SIDT1: variants seen among roughly 807,000 people sequenced by gnomAD.
SIDT1 encodes SID1 transmembrane family, member 1.
A neutral mutation model predicts 107.5 loss-of-function variants in SIDT1; 101 were observed. The observed-to-expected ratio is 0.94, with a 90% CI of 0.80 to 1.11. The LOEUF is 1.11. Ranked by LOEUF, SIDT1 falls within the 50% of genes least tolerant of loss-of-function variation. The pLI is 0.00. For synonymous variants in SIDT1, 395 were observed against 398.2 expected, an observed-to-expected ratio of 0.99 and a Z score of 0.10; for missense variants, 1,076 against 1,058.2, an observed-to-expected ratio of 1.02 and a Z score of -0.23.
At chr3:113,567,028 T>C (rs961662853) in intron 2 of SIDT1, among the ~76,000 whole-genome samples, 1 of 152,186 alleles carries the variant, frequency 6.6e-6, no homozygotes, top group Non-Finnish European at 1.5e-5. Flanking sequence ...GGGAGAAGTG[T>C]ATAAGATACT....
chr3:113,593,452 A>G (rs1944325057), intron 10 of SIDT1, among the ~76,000 whole-genome samples: 1 of 152,174 alleles, frequency 6.6e-6, no homozygotes, highest in African/African-American at 2.4e-5. Context: ...ATCTAATGCC[A>G]TAACCCATCC....
intron 17 of SIDT1, among the ~76,000 whole-genome samples, chr3:113,608,947 G>A (rs545522952): frequency 9.9e-5 from 15 of 152,244 alleles, no homozygotes; most frequent in Admixed American, 5.2e-4. Context: ...CAGAGGAGGC[G>A]GCAAGCTGGG....
Position 113,551,824 on chromosome 3 carries a change from G to GGTGT in SIDT1, c.223-14569_223-14566dup, listed in dbSNP as rs56860179. Among the ~76,000 whole-genome samples, 956 of 147,310 alleles carry GGTGT rather than the reference G, an allele frequency of 6.5e-3. 12 individuals are homozygous for GGTGT. Among genetic ancestry groups the GGTGT allele is most frequent in the African/African-American group, 0.021 (853 of 40,146 alleles). ...TGGATCCCGGGGGTAAAGTTTTAGG[G>GGTGT]GTGTGTGTGTGTGTGTGTGTGTGTG... is the stretch of plus-strand genomic sequence containing the variant. On this transcript the variant is annotated intron_variant, in intron 1 of 24. Coordinates refer to ENST00000264852, the MANE Select transcript of SIDT1 (RefSeq NM_017699.3).
At chr3:113,580,806 T>G (rs1400508056) in intron 5 of SIDT1, 97 bp downstream of exon 5, 1 of 780,740 alleles carries the variant, frequency 1.3e-6, no homozygotes, top group Non-Finnish European at 2.2e-6. Context: ...CCTCTTACTG[T>G]GTATCTCCCT....
chr3:113,567,787 G>C, intron 3 of SIDT1, 77 bp downstream of exon 3: 1 of 1,424,068 alleles, frequency 7.0e-7, no homozygotes, highest in Non-Finnish European at 9.7e-7. Flanking sequence ...CATCCTTACA[G>C]ACTGGTACTC....
intron 17 of SIDT1, among the ~76,000 whole-genome samples, chr3:113,609,413 C>T (rs534979639): frequency 1.3e-5 from 2 of 152,226 alleles, no homozygotes; most frequent in African/African-American, 4.8e-5. Flanking sequence ...TTAGCTCAGA[C>T]CCAGGTTGCT....
In SIDT1 at chr3:113,534,522, C is replaced by T. The variant is rs563766001; in HGVS notation, c.222+1279C>T. On this transcript the variant is annotated intron_variant, in intron 1 of 24. Transcript: ENST00000264852. ...GTGAGCAGAGTGGCTGTATGCAGAGCCATTTCATGGTAGACAAGGGAGAGG... is the reference window on the plus strand; with the variant it reads ...GTGAGCAGAGTGGCTGTATGCAGAGTCATTTCATGGTAGACAAGGGAGAGG... Among the ~76,000 whole-genome samples the T allele has an allele frequency of 9.2e-5, 14 of 152,320 alleles. No homozygotes were observed. In the South Asian group the frequency reaches 2.7e-3, roughly 29 times the overall value.
At chr3:113,606,197 A>G (rs1165330352) in intron 14 of SIDT1, among the ~76,000 whole-genome samples, 1 of 152,156 alleles carries the variant, frequency 6.6e-6, no homozygotes, top group African/African-American at 2.4e-5. Context: ...AGAATTTATT[A>G]CACAGTAGAA....
chr3:113,613,296 G>A (rs1033044513), intron 19 of SIDT1, among the ~76,000 whole-genome samples: 6 of 152,334 alleles, frequency 3.9e-5, no homozygotes, highest in South Asian at 4.1e-4. Context: ...CTTAGAGCAG[G>A]CTCGGAGCCT....
intron 21 of SIDT1, among the ~76,000 whole-genome samples, chr3:113,620,740 T>C (rs1946410883): frequency 6.6e-6 from 1 of 152,204 alleles, no homozygotes; most frequent in Non-Finnish European, 1.5e-5. Context: ...GGCAGTGGTC[T>C]CTTCTTGACC....
At chr3:113,595,179 C>A (rs1381617799) in intron 10 of SIDT1, among the ~76,000 whole-genome samples, 1 of 152,144 alleles carries the variant, frequency 6.6e-6, no homozygotes, top group African/African-American at 2.4e-5. Flanking sequence ...CCAGATAATT[C>A]TTTGTTGTTG....
Position 113,576,907 on chromosome 3 carries a change from A to G in SIDT1, c.516-15A>G. 6.2e-7 allele frequency: 1 copy of G among 1,613,906 alleles called. No individual in the cohort carries two copies. Among genetic ancestry groups the G allele is most frequent in the Non-Finnish European group, 8.5e-7 (1 of 1,179,768 alleles). ...TCACTTTTCCCCTTTCCCTTCTGCC[A>G]CTTACGTTTCTCAGGACAAATGTTG... On this transcript the variant is annotated splice_polypyrimidine_tract_variant and intron_variant, in intron 3 of 24. Coordinates refer to ENST00000264852, the MANE Select transcript of SIDT1 (RefSeq NM_017699.3).
At chr3:113,581,320 A>T in intron 5 of SIDT1, 41 bp from the exon 6 acceptor site, 2 of 1,503,622 alleles carry the variant, frequency 1.3e-6, no homozygotes, top group Non-Finnish European at 1.9e-6. Context: ...ATTGCATGAC[A>T]TTATGGATGC....
At chr3:113,604,390 G>A (rs1945174908) in intron 13 of SIDT1, among the ~76,000 whole-genome samples, 1 of 152,208 alleles carries the variant, frequency 6.6e-6, no homozygotes, top group Admixed American at 6.5e-5. Flanking sequence ...AAATTTCATA[G>A]TGGGACCATC....
chr3:113,544,008 C>A (rs78839274), intron 1 of SIDT1, among the ~76,000 whole-genome samples: 3 of 152,106 alleles, frequency 2.0e-5, no homozygotes, highest in African/African-American at 7.2e-5. Flanking sequence ...CCTGTATAAA[C>A]TGCTACTATT....
intron 1 of SIDT1, among the ~76,000 whole-genome samples, chr3:113,542,366 T>C (rs913922154): frequency 3.9e-5 from 6 of 151,932 alleles, no homozygotes; most frequent in Admixed American, 2.6e-4. Flanking sequence ...ATTCTCTTTT[T>C]ACTTATGTTG....
chr3:113,545,178 A>C (rs1939451241), intron 1 of SIDT1, among the ~76,000 whole-genome samples: 1 of 151,472 alleles, frequency 6.6e-6, no homozygotes, highest in Non-Finnish European at 1.5e-5. Context: ...TACTACGTAA[A>C]TATCCTGTGC....
chr3:113,552,567 A>G (rs1160900369), intron 1 of SIDT1, among the ~76,000 whole-genome samples: 23 of 152,206 alleles, frequency 1.5e-4, no homozygotes, highest in Non-Finnish European at 1.0e-4. Context: ...ACATTTCGGG[A>G]CCAAGGGAGA....
At chr3:113,559,943 A>G (rs922464001) in intron 1 of SIDT1, among the ~76,000 whole-genome samples, 8 of 152,194 alleles carry the variant, frequency 5.3e-5, no homozygotes, top group Admixed American at 2.0e-4. Flanking sequence ...AGAATAATAG[A>G]TGATCCAGAG....
Sources: allele counts gnomAD v4.1 joint callset (sites outside exome capture counted in the v4.1 genomes callset), GRCh38; gene constraint gnomAD v4.1.1; transcripts MANE v1.5; gene names NCBI Gene and HGNC (gene_info 2026-07-23, HGNC 2026-07-21).